The following GCC2 variants were observed in gnomAD, a reference collection of about 807,000 sequenced individuals.
GCC2 encodes GRIP and coiled-coil domain containing 2.
Under a neutral mutation model 210.6 loss-of-function variants are expected in GCC2, and 120 were observed. The ratio of observed to expected loss-of-function variants is 0.57; its 90% CI spans 0.49 to 0.66. The LOEUF (loss-of-function observed/expected upper bound fraction) is 0.66, where lower values mean the gene tolerates loss of function less well. GCC2 is among the 30% of genes least tolerant of loss of function. The pLI, the probability that GCC2 is intolerant of heterozygous loss-of-function variation, is 0.00. For missense variants in GCC2, 1,868 were observed against 1,871.9 expected (o/e 1.00, Z 0.04); for synonymous variants, 703 against 652.7 (o/e 1.08, Z -1.17).
Position 108,489,865 on chromosome 2 carries a change from G to T in GCC2, c.4080G>T (p.Gln1360His). The T allele has an allele frequency of 6.2e-7, 1 of 1,604,566 alleles. No individual in the cohort carries two copies. ...EREHLEMLIDQLKIKLQDSQN... is the reference protein window; with the variant it reads ...EREHLEMLIDHLKIKLQDSQN... ...AACATCTGGAAATGCTGATTGACCA[G>T]CTAAAAATCAAATTACAAGATAGCC... The change falls in exon 18 of 23, where the codon CAG becomes CAT. Residue 1360 changes from glutamine (Q) to histidine (H), a missense_variant. Gln to His is a conservative substitution (Grantham distance 24). Coordinates refer to ENST00000309863, the MANE Select transcript of GCC2 (RefSeq NM_181453.4).
intron 21 of GCC2, among the ~76,000 whole-genome samples, chr2:108,498,505 T>A (rs1225234517): frequency 6.6e-6 from 1 of 152,152 alleles, no homozygotes; most frequent in Non-Finnish European, 1.5e-5. Flanking sequence ...AATGTTATAT[T>A]TTCATAAATT....
At chr2:108,499,317 T>G (rs1344307071) in intron 21 of GCC2, among the ~76,000 whole-genome samples, 1 of 151,974 alleles carries the variant, frequency 6.6e-6, no homozygotes, top group African/African-American at 2.4e-5. Flanking sequence ...GCTTTGAAAC[T>G]ATCTCATAGT....
At chr2:108,487,616 T>G in intron 16 of GCC2, 83 bp from the exon 17 acceptor site, 1 of 1,312,326 alleles carries the variant, frequency 7.6e-7, no homozygotes, top group Non-Finnish European at 1.0e-6. Flanking sequence ...AAACAGGTTT[T>G]TATCTCAATT....
chr2:108,492,043 A>G (rs1035061131), intron 18 of GCC2, among the ~76,000 whole-genome samples: 6 of 152,086 alleles, frequency 3.9e-5, no homozygotes, highest in South Asian at 2.1e-4. Flanking sequence ...TGAAACAGCT[A>G]TAGTAAACCA....
At chr2:108,503,232 G>C (rs1028318883) in intron 22 of GCC2, among the ~76,000 whole-genome samples, 49 of 151,720 alleles carry the variant, frequency 3.2e-4, no homozygotes, top group Admixed American at 1.6e-3. Context: ...AAAAGACAGA[G>C]AGAAATCTCA....
In GCC2 at chr2:108,451,106, T is replaced by G. The variant is rs1679920405; in HGVS notation, c.142T>G (p.Cys48Gly). 1 of 1,591,574 alleles carries G rather than the reference T, an allele frequency of 6.3e-7. No individual in the cohort carries two copies. Residue 48 changes from cysteine (C) to glycine (G), a missense_variant, in exon 3 of 23, where the codon TGT becomes GGT. Coordinates refer to ENST00000309863, the MANE Select transcript of GCC2 (RefSeq NM_181453.4). ...GCTAATACAGAAAGCTAAATCAAGG[T>G]GTACAGGTATTGGGTTGAAAATACT... is the stretch of plus-strand genomic sequence containing the variant. ...MMLIQKAKSRCTELEKEIEEL... is the reference protein window; with the variant it reads ...MMLIQKAKSRGTELEKEIEEL...
chr2:108,472,256 A>C (rs73954350), intron 6 of GCC2, 140 bp downstream of exon 6: 1 of 496,346 alleles, frequency 2.0e-6, no homozygotes, highest in Non-Finnish European at 3.4e-6. Flanking sequence ...TGAAAAGTGC[A>C]TTAGACATTT....
In GCC2 at chr2:108,472,872, T is replaced by C. The variant is rs765298197; in HGVS notation, c.2833T>C (p.Ser945Pro). ...TTCTGTAAAAAATGATCCTCTGTCT[T>C]CAGTAAAAGAGTTGGAAGAAAAAAT... ...SPSVKNDPLS[S>P]VKELEEKIEN... Residue 945 changes from serine (S) to proline (P), a missense_variant, in exon 7 of 23, where the codon TCA (serine) becomes CCA (proline). By Grantham distance (74) the Ser-to-Pro change is moderately conservative. Coordinates refer to ENST00000309863, the MANE Select transcript of GCC2 (RefSeq NM_181453.4). The C allele has an allele frequency of 6.3e-7, 1 of 1,593,774 alleles. No homozygotes were observed. The highest frequency in any genetic ancestry group is 8.6e-7 in the Non-Finnish European group (1 of 1,166,308).
At chr2:108,497,375 C>T (rs1004364105) in intron 21 of GCC2, among the ~76,000 whole-genome samples, 8 of 152,206 alleles carry the variant, frequency 5.3e-5, no homozygotes, top group Non-Finnish European at 1.0e-4. Flanking sequence ...CTTGGCCTCC[C>T]AAAGTGCTGG....
rs775966597 is a variant in GCC2 at position 108,486,661 on chromosome 2, G to A, written c.3930+13G>A. On this transcript the variant is annotated intron_variant, in intron 16 of 22. Transcript: ENST00000309863. The stretch of plus-strand genomic sequence containing the variant: ...CCGTGCTGCCAAGGTGCGTTCTTCA[G>A]GGCAGCCACAGCAAGCCACTGGGAT... 3 of 1,602,942 alleles carry A rather than the reference G, an allele frequency of 1.9e-6. No individual in the cohort carries two copies. The highest frequency in any genetic ancestry group is 2.2e-5 in the South Asian group (2 of 89,470).
At chr2:108,454,828 T>C (rs186674121) in intron 4 of GCC2, among the ~76,000 whole-genome samples, 1 of 152,164 alleles carries the variant, frequency 6.6e-6, no homozygotes, top group Non-Finnish European at 1.5e-5. Context: ...TAGAACTGGG[T>C]TGGTCACATA....
At chr2:108,462,937 T>TTC (rs1680687190) in intron 4 of GCC2, among the ~76,000 whole-genome samples, 2 of 152,136 alleles carry the variant, frequency 1.3e-5, no homozygotes, top group African/African-American at 4.8e-5. Context: ...AGACCTGTCT[T>TTC]TAAGTTCTGA....
intron 12 of GCC2, among the ~76,000 whole-genome samples, chr2:108,483,625 G>A (rs1174149857): frequency 1.3e-5 from 2 of 152,152 alleles, no homozygotes; most frequent in Non-Finnish European, 2.9e-5. Context: ...CAAAAAATTG[G>A]AAATTTAACT....
chr2:108,481,655 T>C (rs1442959258), intron 9 of GCC2, 42 bp from the exon 10 acceptor site: 7 of 1,514,772 alleles, frequency 4.6e-6, no homozygotes, highest in Admixed American at 2.1e-5. Context: ...ACCTGTTGAA[T>C]GCAAAATTAT....
At position 108,486,642 on chromosome 2, in the gene GCC2, T is replaced by G; in HGVS notation, c.3924T>G (p.Ala1308=). Residue 1308 remains alanine, a synonymous_variant, in exon 16 of 23, where the codon GCT becomes GCG. Coordinates refer to ENST00000309863, the MANE Select transcript of GCC2 (RefSeq NM_181453.4). ...CAGCACTACAGGAAGAGTGCCGTGC[T>G]GCCAAGGTGCGTTCTTCAGGGCAGC... The part of the protein sequence containing the change: ...RVTALQEECR[A]AKAEQATVTS... 1 of 1,609,496 alleles carries G rather than the reference T, an allele frequency of 6.2e-7. No individual in the cohort carries two copies. The highest frequency in any genetic ancestry group is 8.5e-7 in the Non-Finnish European group (1 of 1,178,208).
At chr2:108,456,247 A>G (rs1484073614) in intron 4 of GCC2, among the ~76,000 whole-genome samples, 1 of 152,102 alleles carries the variant, frequency 6.6e-6, no homozygotes, top group Non-Finnish European at 1.5e-5. Context: ...GGCCTCCCAA[A>G]GTGTTGGGAT....
chr2:108,493,738 T>A, intron 19 of GCC2: 2 of 985,338 alleles, frequency 2.0e-6, no homozygotes, highest in Non-Finnish European at 1.2e-6. Flanking sequence ...CGGTCACTTA[T>A]TAGGGTAAAA....
At chr2:108,501,528 G>C (rs906689240) in intron 22 of GCC2, among the ~76,000 whole-genome samples, 1 of 152,040 alleles carries the variant, frequency 6.6e-6, no homozygotes, top group Non-Finnish European at 1.5e-5. Flanking sequence ...AAGAGGCCCA[G>C]AATGTCCAGA....
At chr2:108,483,284 CATGATCTCGGCTCACT>C in intron 12 of GCC2, 118 bp downstream of exon 12, 8 of 602,674 alleles carry the variant, frequency 1.3e-5, no homozygotes, top group Admixed American at 2.9e-5. Flanking sequence ...AGTGCAGTGG[CATGATCTCGGCTCACT>C]GCAACCTCCG....
Sources: allele counts gnomAD v4.1 joint callset (sites outside exome capture counted in the v4.1 genomes callset), GRCh38; gene constraint gnomAD v4.1.1; transcripts MANE v1.5; gene names NCBI Gene and HGNC (gene_info 2026-07-23, HGNC 2026-07-21).